SLC19A2: variants seen among roughly 807,000 people sequenced by gnomAD.
The protein encoded by SLC19A2 is solute carrier family 19 member 2.
In SLC19A2, 27 loss-of-function variants were observed where a neutral mutation model predicts 44.7. The observed-to-expected ratio is 0.60, with a 90% CI of 0.45 to 0.83. The LOEUF (loss-of-function observed/expected upper bound fraction) is 0.83. Ranked by LOEUF, SLC19A2 falls within the 40% of genes least tolerant of loss-of-function variation. The pLI is 0.00. For missense variants in SLC19A2, 566 were observed against 613.7 expected, an observed-to-expected ratio of 0.92 and a Z score of 0.82; for synonymous variants, 239 against 243.6, an observed-to-expected ratio of 0.98 and a Z score of 0.18.
rs144272669 is a variant in SLC19A2 at position 169,484,631 on chromosome 1, T to A, written c.204+932A>T. ...CTTTGGGTTTAATTTCTTTCTCAGT[T>A]TATATATTGTCTTTCTTCTGCAAAA... On this transcript the variant is annotated intron_variant, in intron 1 of 5. Coordinates refer to ENST00000236137, the MANE Select transcript of SLC19A2 (RefSeq NM_006996.3). 3.0e-3 allele frequency among the ~76,000 whole-genome samples: 459 copies of A among 152,348 alleles called. 1 individual carries two copies. The highest frequency in any genetic ancestry group is 0.01 in the African/African-American group (424 of 41,578).
intron 1 of SLC19A2, among the ~76,000 whole-genome samples, chr1:169,479,771 C>T (rs570681954): frequency 3.3e-5 from 5 of 152,176 alleles, no homozygotes; most frequent in Non-Finnish European, 7.3e-5. Flanking sequence ...AGGCTGAATA[C>T]TTTGTGATGA....
At position 169,465,928 on chromosome 1, in the gene SLC19A2, G is replaced by C. The variant is rs1195639699; in HGVS notation, c.1415C>G (p.Ala472Gly). The change falls in exon 6 of 6, where the codon GCC becomes GGC. Residue 472 changes from alanine (A) to glycine (G), a missense_variant. Coordinates refer to ENST00000236137, the MANE Select transcript of SLC19A2 (RefSeq NM_006996.3). Reference protein sequence around the residue: ...YFALIAVVFLASGAVSVMKKC... With the variant: ...YFALIAVVFLGSGAVSVMKKC... ...CTTCATAACACTGACTGCACCACTG[G>C]CCAGGAAAACCACAGCGATGAGTGC... 6.2e-7 allele frequency: 1 copy of C among 1,613,892 alleles called. No homozygotes were observed. Among genetic ancestry groups the C allele is most frequent in the East Asian group, 2.2e-5 (1 of 44,890 alleles).
At chr1:169,481,739 T>C (rs1658448778) in intron 1 of SLC19A2, among the ~76,000 whole-genome samples, 2 of 152,232 alleles carry the variant, frequency 1.3e-5, no homozygotes, top group Non-Finnish European at 2.9e-5. Context: ...CACAACTCTT[T>C]GGATCAGTGC....
chr1:169,485,824 T>C lies in SLC19A2; in HGVS notation c.-58A>G. 6.7e-7 allele frequency: 1 copy of C among 1,485,798 alleles called. No homozygotes were observed. The highest frequency in any genetic ancestry group is 8.9e-7 in the Non-Finnish European group (1 of 1,121,478). The allele number at this position is 1,485,798 out of a possible 1,614,324, so 92.0% of individuals were successfully genotyped here. A position where few individuals can be genotyped will look rare whatever the true frequency, so the allele number is the denominator to read the frequency against. ...CCCTTCCTTCTCCTCCTCCGCCAAC[T>C]GGAGTGAGGGTCAGGCACTTGTAAC... is the stretch of plus-strand genomic sequence containing the variant. On this transcript the variant is annotated 5_prime_UTR_variant, in exon 1 of 6. Coordinates refer to ENST00000236137, the MANE Select transcript of SLC19A2 (RefSeq NM_006996.3).
intron 5 of SLC19A2, among the ~76,000 whole-genome samples, chr1:169,467,568 A>G (rs1571530908): frequency 6.6e-6 from 1 of 152,220 alleles, no homozygotes; most frequent in East Asian, 1.9e-4. Flanking sequence ...GGCATATACA[A>G]CTATACAATT....
chr1:169,469,259 G>T, intron 3 of SLC19A2: 1 of 215,662 alleles, frequency 4.6e-6, no homozygotes, highest in Non-Finnish European at 9.3e-6. Context: ...CAGTGATGAT[G>T]ATAAGGATAG....
chr1:169,484,416 GGGA>G (rs1658508010), intron 1 of SLC19A2, among the ~76,000 whole-genome samples: 1 of 152,134 alleles, frequency 6.6e-6, no homozygotes, highest in African/African-American at 2.4e-5. Context: ...AGGTTTAAAT[GGGA>G]GGAGTATTTT....
rs184552543 is a variant in SLC19A2, at chr1:169,480,306, A to G, written c.205-2549T>C. Among the ~76,000 whole-genome samples, 4 of 151,840 alleles carry G rather than the reference A, an allele frequency of 2.6e-5. No individual in the cohort carries two copies. In the East Asian group the frequency reaches 5.8e-4, roughly 22 times the overall value. On this transcript the variant is annotated intron_variant, in intron 1 of 5. Transcript: ENST00000236137. Reference sequence around the variant, plus strand: ...TGTGGCCTATACTTTTACAGATACTATCTGTCAGCTTTCTTTTTTTTTTGA... The same window carrying G: ...TGTGGCCTATACTTTTACAGATACTGTCTGTCAGCTTTCTTTTTTTTTTGA...
chr1:169,485,770 G>C lies in SLC19A2; in HGVS notation c.-4C>G, dbSNP rs2072757. 1 of 1,529,168 alleles carries C rather than the reference G, an allele frequency of 6.5e-7. No homozygotes were observed. The highest frequency in any genetic ancestry group is 8.7e-7 in the Non-Finnish European group (1 of 1,143,248). The allele number at this position is 1,529,168 out of a possible 1,614,324, so 94.7% of individuals were successfully genotyped here. A position where few individuals can be genotyped will look rare whatever the true frequency, so the allele number is the denominator to read the frequency against. On this transcript the variant is annotated 5_prime_UTR_variant, in exon 1 of 6. Transcript: ENST00000236137. ...ACACCGGGCCGGGCACATCCATCCGGGGCGCGAGGGGAGGGGACCCGGCCC... is the reference window on the plus strand; with the variant it reads ...ACACCGGGCCGGGCACATCCATCCGCGGCGCGAGGGGAGGGGACCCGGCCC...
intron 3 of SLC19A2, 29 bp from the exon 4 acceptor site, chr1:169,468,865 AT>A: frequency 6.3e-7 from 1 of 1,596,236 alleles, no homozygotes; most frequent in African/African-American, 1.3e-5. Flanking sequence ...AAATCCAATT[AT>A]TTTGCTACAC....
chr1:169,469,850 A>G, intron 3 of SLC19A2, 114 bp downstream of exon 3: 3 of 976,336 alleles, frequency 3.1e-6, no homozygotes, highest in Non-Finnish European at 3.2e-6. Context: ...CAAAATAATC[A>G]TTTTTTGAGG....
chr1:169,471,256 G>A (rs1658169483), intron 2 of SLC19A2, among the ~76,000 whole-genome samples: 1 of 152,012 alleles, frequency 6.6e-6, no homozygotes, highest in Admixed American at 6.5e-5. Context: ...TGTTTGAAAA[G>A]AAGTTCACTA....
chr1:169,474,843 C>G lies in SLC19A2; in HGVS notation c.807+2312G>C, dbSNP rs572634824. The stretch of plus-strand genomic sequence containing the variant: ...TGCCCATCTGCTATGGTATCAGTAG[C>G]AGAGCCTAGGATATCAGGGAACTGA... On this transcript the variant is annotated intron_variant, in intron 2 of 5. Transcript: ENST00000236137. 5.0e-4 allele frequency among the ~76,000 whole-genome samples: 76 copies of G among 152,236 alleles called. 1 individual carries two copies. In the South Asian group the frequency reaches 0.016, roughly 32 times the overall value.
In SLC19A2 at chr1:169,477,335, A is replaced by G. The variant is rs1195207499; in HGVS notation, c.627T>C (p.Pro209=). 6.2e-7 allele frequency: 1 copy of G among 1,614,194 alleles called. No homozygotes were observed. The highest frequency in any genetic ancestry group is 1.7e-5 in the Admixed American group (1 of 60,026). The part of the protein sequence containing the change: ...SVAFAVAWFL[P]MPQKSLFFHH... Reference sequence around the variant, plus strand: ...GAAAGAAGAGGCTCTTCTGTGGCATAGGTAAAAACCAGGCCACAGCAAAAG... The same window carrying G: ...GAAAGAAGAGGCTCTTCTGTGGCATGGGTAAAAACCAGGCCACAGCAAAAG... The change falls in exon 2 of 6, where the codon CCT becomes CCC. Residue 209 remains proline (P), a synonymous_variant. Transcript: ENST00000236137.
chr1:169,470,936 G>A (rs10737546), intron 2 of SLC19A2, among the ~76,000 whole-genome samples: 100,552 of 151,732 alleles, frequency 0.66, 33,843 homozygotes, highest in Non-Finnish European at 0.7. Context: ...CTCAGAACAT[G>A]GGAAGGCCGG....
chr1:169,484,468 G>C (rs1460212523), intron 1 of SLC19A2, among the ~76,000 whole-genome samples: 1 of 152,104 alleles, frequency 6.6e-6, no homozygotes, highest in Non-Finnish European at 1.5e-5. Flanking sequence ...GAAGGAACAG[G>C]TGTAGGAAAA....
chr1:169,480,236 C>A (rs1311085003), intron 1 of SLC19A2, among the ~76,000 whole-genome samples: 1 of 152,160 alleles, frequency 6.6e-6, no homozygotes, highest in African/African-American at 2.4e-5. Flanking sequence ...TAAGGGTAAT[C>A]TTGAGATTTC....
At chr1:169,485,525 C>A in intron 1 of SLC19A2, 38 bp downstream of exon 1, 1 of 1,554,266 alleles carries the variant, frequency 6.4e-7, no homozygotes, top group Non-Finnish European at 8.7e-7. Flanking sequence ...GCAGGCCGGT[C>A]GCCCGCCCTT....
At position 169,481,996 on chromosome 1, in the gene SLC19A2, C is replaced by G. The variant is rs190598986; in HGVS notation, c.204+3567G>C. Among the ~76,000 whole-genome samples the G allele has an allele frequency of 3.3e-5, 5 of 151,984 alleles. No individual in the cohort carries two copies. The South Asian group carries it at 1.0e-3, about 32-fold the overall frequency. On this transcript the variant is annotated intron_variant, in intron 1 of 5. Transcript: ENST00000236137. ...GGTAGATTACCTGAGGTCAGGCGTT[C>G]GAGACCAGCCTGGCCAACATGGCAA...
Sources: gnomAD v4.1 joint callset for allele counts (sites outside exome capture counted in the v4.1 genomes callset) on GRCh38, gnomAD v4.1.1 for gene constraint, MANE v1.5 for transcripts, NCBI Gene and HGNC (gene_info 2026-07-23, HGNC 2026-07-21) for gene names.